LMX1A: variants seen among roughly 807,000 people sequenced by gnomAD.
The protein encoded by LMX1A is LIM homeobox transcription factor 1-alpha.
LMX1A carries 15 observed loss-of-function variants against 49.1 expected under a neutral mutation model. The ratio of observed to expected loss-of-function variants is 0.31; its 90% CI spans 0.20 to 0.47. The LOEUF (loss-of-function observed/expected upper bound fraction) is 0.47, where lower values mean the gene tolerates loss of function less well. Among genes scored for constraint, LMX1A ranks in the 20% least tolerant of loss-of-function variants. The pLI is 1.00. For synonymous variants in LMX1A, 167 were observed against 185.7 expected, an observed-to-expected ratio of 0.90 and a Z score of 0.82; for missense variants, 372 against 475.8, an observed-to-expected ratio of 0.78 and a Z score of 2.03.
intron 3 of LMX1A, among the ~76,000 whole-genome samples, chr1:165,270,250 C>T (rs1653755796): frequency 6.6e-6 from 1 of 152,118 alleles, no homozygotes; most frequent in African/African-American, 2.4e-5. Context: ...TCTGTCCTCT[C>T]CACCAATCTA....
chr1:165,312,697 A>G (rs572660104), intron 3 of LMX1A, among the ~76,000 whole-genome samples: 1 of 152,320 alleles, frequency 6.6e-6, no homozygotes, highest in South Asian at 2.1e-4. Flanking sequence ...GCCAGGACCA[A>G]CTTAATGGCC....
intron 3 of LMX1A, among the ~76,000 whole-genome samples, chr1:165,332,326 CTTGAA>C (rs1216174430): frequency 6.6e-6 from 1 of 151,922 alleles, no homozygotes; most frequent in African/African-American, 2.4e-5. Context: ...GAACTAGACA[CTTGAA>C]TTAAAAGAAA....
chr1:165,260,465 T>G (rs1653399054), intron 3 of LMX1A, among the ~76,000 whole-genome samples: 1 of 152,166 alleles, frequency 6.6e-6, no homozygotes, highest in African/African-American at 2.4e-5. Flanking sequence ...CCATAAATCC[T>G]GTTTGCTTTG....
At chr1:165,265,628 T>G (rs906398247) in intron 3 of LMX1A, among the ~76,000 whole-genome samples, 8 of 152,208 alleles carry the variant, frequency 5.3e-5, no homozygotes, top group Admixed American at 5.2e-4. Context: ...CATTGCACTG[T>G]ACCAATGAGA....
intron 4 of LMX1A, chr1:165,218,938 T>C (rs189604811): frequency 5.3e-5 from 8 of 152,312 alleles, no homozygotes; most frequent in African/African-American, 1.9e-4. Flanking sequence ...CTGGAGGCCG[T>C]TTAGACACAA....
At chr1:165,231,567 AGCCAATGTT>A in intron 4 of LMX1A, among the ~76,000 whole-genome samples, 1 of 152,204 alleles carries the variant, frequency 6.6e-6, no homozygotes, top group Non-Finnish European at 1.5e-5. Flanking sequence ...TGCAGATGTG[AGCCAATGTT>A]ATGTTCACAA....
intron 3 of LMX1A, among the ~76,000 whole-genome samples, chr1:165,295,837 TA>T (rs1414623744): frequency 6.6e-6 from 1 of 152,164 alleles, no homozygotes; most frequent in Non-Finnish European, 1.5e-5. Flanking sequence ...AGAACCGGGA[TA>T]AACATAAAGT....
chr1:165,334,793 A>C (rs1264035125), intron 3 of LMX1A, among the ~76,000 whole-genome samples: 1 of 152,184 alleles, frequency 6.6e-6, no homozygotes, highest in Non-Finnish European at 1.5e-5. Context: ...TCAGGGGCCC[A>C]AGACCAGTCT....
intron 3 of LMX1A, among the ~76,000 whole-genome samples, chr1:165,298,698 A>T (rs1224903640): frequency 1.3e-5 from 2 of 152,252 alleles, no homozygotes; most frequent in Non-Finnish European, 2.9e-5. Context: ...TCCCCATAAA[A>T]GGAGCCTCCA....
chr1:165,235,924 T>C (rs1029225094), intron 4 of LMX1A, among the ~76,000 whole-genome samples: 6 of 152,006 alleles, frequency 3.9e-5, no homozygotes, highest in African/African-American at 9.7e-5. Context: ...GCCTGGCCTC[T>C]TGCATTTCTA....
chr1:165,248,285 G>C (rs1350911572), intron 4 of LMX1A, among the ~76,000 whole-genome samples: 1 of 152,166 alleles, frequency 6.6e-6, no homozygotes, highest in African/African-American at 2.4e-5. Context: ...TAGTAAGGCT[G>C]GAGTGAAGGG....
At chr1:165,308,537 T>A (rs1424090617) in intron 3 of LMX1A, among the ~76,000 whole-genome samples, 2 of 152,224 alleles carry the variant, frequency 1.3e-5, no homozygotes, top group Non-Finnish European at 2.9e-5. Context: ...TATAATTTTT[T>A]AAAACAGTAC....
At chr1:165,356,042 G>T (rs565499213) in intron 1 of LMX1A, 3 of 154,906 alleles carry the variant, frequency 1.9e-5, no homozygotes, top group Non-Finnish European at 4.3e-5. Context: ...GCAATCCCGC[G>T]TCCCAGCCGC....
chr1:165,290,752 G>T (rs113824230), intron 3 of LMX1A, among the ~76,000 whole-genome samples: 10 of 152,288 alleles, frequency 6.6e-5, no homozygotes, highest in African/African-American at 2.4e-4. Context: ...CATTAGAAAT[G>T]CGGTTCTCAA....
rs140610080 is a variant in LMX1A, at chr1:165,301,279, G to C, written c.264-51639C>G. Among the ~76,000 whole-genome samples the C allele has an allele frequency of 1.9e-4, 29 of 152,208 alleles. No homozygotes were observed. In the East Asian group the frequency reaches 5.4e-3, roughly 28 times the overall value. On this transcript the variant is annotated intron_variant, in intron 3 of 8. Transcript: ENST00000342310. Reference sequence around the variant, plus strand: ...CTGCCTCTCGTCCCACCTGGCAACTGTATGGTTGAATACCTGATTGCAGAG... The same window carrying C: ...CTGCCTCTCGTCCCACCTGGCAACTCTATGGTTGAATACCTGATTGCAGAG...
intron 3 of LMX1A, among the ~76,000 whole-genome samples, chr1:165,303,190 G>A (rs1404539265): frequency 6.6e-6 from 1 of 152,102 alleles, no homozygotes; most frequent in Non-Finnish European, 1.5e-5. Context: ...TAGTGAGAAC[G>A]CTCCTTGTGT....
intron 3 of LMX1A, among the ~76,000 whole-genome samples, chr1:165,307,388 C>CAA (rs1654947162): frequency 6.6e-6 from 1 of 152,314 alleles, no homozygotes; most frequent in African/African-American, 2.4e-5. Flanking sequence ...TGACATTCCA[C>CAA]AAGCATTCTG....
chr1:165,277,272 G>T (rs565039573), intron 3 of LMX1A, among the ~76,000 whole-genome samples: 3 of 152,256 alleles, frequency 2.0e-5, no homozygotes, highest in Non-Finnish European at 2.9e-5. Context: ...GGTCAGAAAG[G>T]CTCTGTGGGT....
intron 3 of LMX1A, among the ~76,000 whole-genome samples, chr1:165,279,652 T>C (rs958200297): frequency 3.9e-5 from 6 of 152,150 alleles, no homozygotes; most frequent in Admixed American, 3.3e-4. Context: ...TTTGAGTATA[T>C]CTAGGACTGC....
Sources: gnomAD v4.1 joint callset for allele counts (sites outside exome capture counted in the v4.1 genomes callset) on GRCh38, gnomAD v4.1.1 for gene constraint, MANE v1.5 for transcripts, NCBI Gene and HGNC (gene_info 2026-07-23, HGNC 2026-07-21) for gene names.